The following UGCG variants were observed in gnomAD, a reference collection of about 807,000 sequenced individuals.
The protein encoded by UGCG is UDP-glucose ceramide glucosyltransferase.
A neutral mutation model predicts 49.5 loss-of-function variants in UGCG; 10 were observed. The ratio of observed to expected loss-of-function variants is 0.20; its 90% CI spans 0.12 to 0.34. UGCG has a LOEUF of 0.34. Ranked by LOEUF, UGCG falls within the 10% of genes least tolerant of loss-of-function variation. UGCG has a pLI of 1.00. For synonymous variants in UGCG, 182 were observed against 158.2 expected (o/e 1.15, Z -1.13); for missense variants, 312 against 483.7 (o/e 0.65, Z 3.33).
At position 111,928,851 on chromosome 9, in the gene UGCG, G is replaced by A. The variant is rs967435879; in HGVS notation, c.559-649G>A. On this transcript the variant is annotated intron_variant, in intron 5 of 8. Coordinates refer to ENST00000374279, the MANE Select transcript of UGCG (RefSeq NM_003358.3). Reference sequence around the variant, plus strand: ...CCTTTTCTACCATTGATTTATCAGCGTATATATCTTATGACTTCAGAGTAT... The same window carrying A: ...CCTTTTCTACCATTGATTTATCAGCATATATATCTTATGACTTCAGAGTAT... 1.3e-4 allele frequency among the ~76,000 whole-genome samples: 20 copies of A among 152,140 alleles called. No homozygotes were observed. The East Asian group carries it at 1.4e-3, about 10-fold the overall frequency.
chr9:111,917,951 A>G (rs1838139022), intron 2 of UGCG, among the ~76,000 whole-genome samples: 2 of 152,230 alleles, frequency 1.3e-5, no homozygotes, highest in Non-Finnish European at 2.9e-5. Flanking sequence ...AATTCTGGCC[A>G]TGTGAAGAAT....
At chr9:111,912,826 A>C (rs561360109) in intron 1 of UGCG, among the ~76,000 whole-genome samples, 178 of 152,322 alleles carry the variant, frequency 1.2e-3, no homozygotes, top group African/African-American at 4.1e-3. Context: ...GTGTATCAGA[A>C]ATTGATACCA....
rs1422148593 is a variant in UGCG, at chr9:111,935,232, T to C, written c.*2235T>C. On this transcript the variant is annotated 3_prime_UTR_variant, in exon 9 of 9. Coordinates refer to ENST00000374279, the MANE Select transcript of UGCG (RefSeq NM_003358.3). ...AATAATATAAATGTTGAAGAAAGCA[T>C]CACAACAGAACTATAGGAGTCTAAA... 1 of 152,120 alleles carries C rather than the reference T, an allele frequency of 6.6e-6. No homozygotes were observed. Among genetic ancestry groups the C allele is most frequent in the Non-Finnish European group, 1.5e-5 (1 of 68,030 alleles). The allele number at this position is 152,120 out of a possible 1,614,324, so 9.4% of individuals were successfully genotyped here.
chr9:111,907,597 G>C (rs186613763), intron 1 of UGCG, among the ~76,000 whole-genome samples: 2 of 150,458 alleles, frequency 1.3e-5, no homozygotes, highest in Non-Finnish European at 3.0e-5. Context: ...TTTCTGGACT[G>C]TTGACTCCAG....
At chr9:111,929,974 A>G (rs1011532645) in intron 6 of UGCG, among the ~76,000 whole-genome samples, 2 of 152,058 alleles carry the variant, frequency 1.3e-5, no homozygotes, top group East Asian at 1.9e-4. Flanking sequence ...ATGTACCACC[A>G]TGCACACTAA....
intron 2 of UGCG, chr9:111,915,896 A>G: frequency 1.1e-6 from 1 of 930,880 alleles, no homozygotes; most frequent in Non-Finnish European, 1.3e-6. Flanking sequence ...ATTGCTTTGG[A>G]GTTTTGGAGT....
At chr9:111,915,706 C>T (rs900793708) in intron 2 of UGCG, 102 of 821,986 alleles carry the variant, frequency 1.2e-4, no homozygotes, top group Non-Finnish European at 1.4e-4. Flanking sequence ...ATGATATGCG[C>T]ACTACACTTC....
At chr9:111,931,381 T>C in intron 7 of UGCG, 24 bp downstream of exon 7, 1 of 1,607,374 alleles carries the variant, frequency 6.2e-7, no homozygotes, top group Non-Finnish European at 8.5e-7. Context: ...TTTCTTTTTA[T>C]ACTTCGTTAA....
chr9:111,920,000 G>T (rs1838191748), intron 2 of UGCG, among the ~76,000 whole-genome samples: 1 of 152,038 alleles, frequency 6.6e-6, no homozygotes, highest in African/African-American at 2.4e-5. Flanking sequence ...GTCTGGATGG[G>T]AGGCTGACTG....
At chr9:111,909,847 C>T (rs1000557143) in intron 1 of UGCG, among the ~76,000 whole-genome samples, 3 of 152,014 alleles carry the variant, frequency 2.0e-5, no homozygotes, top group Non-Finnish European at 4.4e-5. Context: ...GGATCTCGTA[C>T]CCTAGGGGGT....
Position 111,933,600 on chromosome 9 carries a change from A to G in UGCG, c.*603A>G, listed in dbSNP as rs1332430489. 1.3e-5 allele frequency: 2 copies of G among 152,214 alleles called. No homozygotes were observed. Among genetic ancestry groups the G allele is most frequent in the East Asian group, 1.9e-4 (1 of 5,204 alleles). 9.4% of individuals were successfully genotyped at this position (152,214 alleles called of 1,614,324 possible). On this transcript the variant is annotated 3_prime_UTR_variant, in exon 9 of 9. Transcript: ENST00000374279. ...AGAAACAAACAGAAAAACTTAAAAA[A>G]AAATGATATAAGAGCTGGAGTCTAG...
intron 2 of UGCG, among the ~76,000 whole-genome samples, chr9:111,917,800 T>C (rs1838135673): frequency 6.6e-6 from 1 of 152,210 alleles, no homozygotes; most frequent in Non-Finnish European, 1.5e-5. Flanking sequence ...CATAAAAGAA[T>C]GAAAAGGTGA....
chr9:111,910,267 A>G (rs1255056361), intron 1 of UGCG, among the ~76,000 whole-genome samples: 1 of 152,222 alleles, frequency 6.6e-6, no homozygotes, highest in Non-Finnish European at 1.5e-5. Context: ...TGCCACAGGC[A>G]CTGAGATTAT....
At chr9:111,902,153 G>T (rs768179151) in intron 1 of UGCG, among the ~76,000 whole-genome samples, 22 of 151,656 alleles carry the variant, frequency 1.5e-4, no homozygotes, top group Non-Finnish European at 2.9e-4. Flanking sequence ...ACTCCTACTC[G>T]TTCAAGTCAT....
intron 1 of UGCG, among the ~76,000 whole-genome samples, chr9:111,913,240 G>A (rs1838048898): frequency 6.6e-6 from 1 of 152,190 alleles, no homozygotes; most frequent in Admixed American, 6.5e-5. Context: ...TCTTGCAGAT[G>A]GACCCATGAT....
rs768088268 is a variant in UGCG, at chr9:111,922,936, G to T, written c.328G>T (p.Ala110Ser). The part of the protein sequence containing the change: ...KLLGKYPNVD[A>S]RLFIGGKKVG... ...TCTTGGAAAATATCCAAATGTTGAT[G>T]CTAGATTGTTTATAGGTAAGTAACA... Residue 110 changes from alanine (A) to serine (S), a missense_variant, in exon 3 of 9, where the codon GCT becomes TCT. Transcript: ENST00000374279. 6.2e-7 allele frequency: 1 copy of T among 1,610,954 alleles called. No individual in the cohort carries two copies. Among genetic ancestry groups the T allele is most frequent in the Non-Finnish European group, 8.5e-7 (1 of 1,178,318 alleles).
intron 1 of UGCG, among the ~76,000 whole-genome samples, chr9:111,912,472 G>C (rs1176823924): frequency 6.6e-6 from 1 of 151,958 alleles, no homozygotes; most frequent in Non-Finnish European, 1.5e-5. Context: ...CCAGCTACTT[G>C]GGAGGCTGAG....
At chr9:111,915,774 G>T in intron 2 of UGCG, 1 of 984,844 alleles carries the variant, frequency 1.0e-6, no homozygotes, top group Non-Finnish European at 1.2e-6. Context: ...ATTTTTCTCG[G>T]TAGCACCAAT....
intron 1 of UGCG, among the ~76,000 whole-genome samples, chr9:111,912,558 G>A (rs770543797): frequency 1.3e-5 from 2 of 150,982 alleles, no homozygotes; most frequent in Non-Finnish European, 2.9e-5. Flanking sequence ...AGCCTGGGTC[G>A]CAGAGCAAAA....
Sources: allele counts gnomAD v4.1 joint callset (sites outside exome capture counted in the v4.1 genomes callset), GRCh38; gene constraint gnomAD v4.1.1; transcripts MANE v1.5; gene names NCBI Gene and HGNC (gene_info 2026-07-23, HGNC 2026-07-21).